The following LRRC37A variants were observed in gnomAD, a reference collection of about 807,000 sequenced individuals.
LRRC37A encodes the protein leucine rich repeat containing 37A.
LRRC37A carries 3 observed loss-of-function variants against 35.4 expected under a neutral mutation model. The observed-to-expected ratio is 0.08, with a 90% CI of 0.04 to 0.22. The LOEUF is 0.22. LRRC37A is among the 10% of genes least tolerant of loss of function. The pLI is 1.00. For synonymous variants in LRRC37A, 23 were observed against 215.0 expected, an observed-to-expected ratio of 0.11 and a Z score of 7.81; for missense variants, 67 against 565.3, an observed-to-expected ratio of 0.12 and a Z score of 8.94.
the LRRC37A span, among the ~76,000 whole-genome samples, chr17:46,276,048 A>G: frequency 0.14 from 21,717 of 151,752 alleles, 1,896 homozygotes; most frequent in Non-Finnish European, 0.22. Flanking sequence ...CTGCCACCAC[A>G]CCCGGCTAAT....
the LRRC37A span, among the ~76,000 whole-genome samples, chr17:46,282,906 G>A: frequency 3.3e-5 from 5 of 152,152 alleles, no homozygotes; most frequent in African/African-American, 4.8e-5. Context: ...ATCACCTGAG[G>A]TCAGGAGTTT....
the LRRC37A span, among the ~76,000 whole-genome samples, chr17:46,273,712 G>A: frequency 6.6e-6 from 1 of 152,228 alleles, no homozygotes; most frequent in Non-Finnish European, 1.5e-5. Flanking sequence ...AATACAATGT[G>A]TAAGAACATT....
chr17:46,270,229 T>A, the LRRC37A span, among the ~76,000 whole-genome samples: 1 of 152,212 alleles, frequency 6.6e-6, no homozygotes, highest in Non-Finnish European at 1.5e-5. Context: ...ACGCTGTCCA[T>A]GGCACCCAGT....
At chr17:46,275,785 G>A in the LRRC37A span, among the ~76,000 whole-genome samples, 1 of 152,008 alleles carries the variant, frequency 6.6e-6, no homozygotes, top group South Asian at 2.1e-4. Context: ...ACGGATGAGG[G>A]GAATATAAAG....
At chr17:46,282,505 C>A in the LRRC37A span, among the ~76,000 whole-genome samples, 1 of 151,686 alleles carries the variant, frequency 6.6e-6, no homozygotes, top group Non-Finnish European at 1.5e-5. Flanking sequence ...GCCTCAAACT[C>A]CTGTACTCAA....
At chr17:46,334,760 T>C (rs1268837972) in intron 10 of LRRC37A, 2 of 108,350 alleles carry the variant, frequency 1.8e-5, no homozygotes, top group Admixed American at 1.9e-4. Context: ...AAGTGCCAGC[T>C]GCATGCAAGA....
chr17:46,300,039 CT>C, intron 2 of LRRC37A, among the ~76,000 whole-genome samples, 174 bp downstream of exon 2: 1 of 41,906 alleles, frequency 2.4e-5, no homozygotes, highest in African/African-American at 5.3e-5. Flanking sequence ...GGTAGGCTCT[CT>C]TTAAAATAAG....
At chr17:46,250,886 TCTCTTC>T in the LRRC37A span, among the ~76,000 whole-genome samples, 9,847 of 130,762 alleles carry the variant, frequency 0.075, 3 homozygotes, top group Middle Eastern at 0.12. Flanking sequence ...TCCTCTTCCT[TCTCTTC>T]CTCTTCCTCT....
At chr17:46,280,289 G>C in the LRRC37A span, among the ~76,000 whole-genome samples, 16,681 of 149,090 alleles carry the variant, frequency 0.11, no homozygotes, top group Non-Finnish European at 0.17. Flanking sequence ...GCTTGAACGC[G>C]GGAAGCGGAG....
the LRRC37A span, among the ~76,000 whole-genome samples, chr17:46,258,707 C>CTTTT: frequency 2.0e-4 from 16 of 81,130 alleles, no homozygotes; most frequent in East Asian, 4.0e-4. Flanking sequence ...GACTATTATT[C>CTTTT]TTTTTTTTTT....
At chr17:46,256,374 G>C in the LRRC37A span, among the ~76,000 whole-genome samples, 363 of 152,168 alleles carry the variant, frequency 2.4e-3, no homozygotes, top group African/African-American at 8.5e-3. Flanking sequence ...CCTGGACAGA[G>C]AGAGCATCTG....
the LRRC37A span, among the ~76,000 whole-genome samples, chr17:46,257,780 C>T: frequency 4.0e-5 from 6 of 151,282 alleles, no homozygotes; most frequent in Non-Finnish European, 8.8e-5. Flanking sequence ...CATGATCATA[C>T]CACTGCACTC....
chr17:46,314,469 A>C (rs1169260349), intron 5 of LRRC37A, among the ~76,000 whole-genome samples: 1 of 81,998 alleles, frequency 1.2e-5, no homozygotes, highest in Admixed American at 1.3e-4. Context: ...CATTGCACTC[A>C]AGCCTGGGCA....
At chr17:46,260,920 G>A in the LRRC37A span, among the ~76,000 whole-genome samples, 1 of 152,176 alleles carries the variant, frequency 6.6e-6, no homozygotes, top group Non-Finnish European at 1.5e-5. Context: ...ACCGTGCCCC[G>A]TCTATGGAGA....
At chr17:46,263,880 A>C in the LRRC37A span, among the ~76,000 whole-genome samples, 3 of 147,604 alleles carry the variant, frequency 2.0e-5, no homozygotes, top group African/African-American at 7.4e-5. Context: ...AAAAAGAGAG[A>C]GAGACAGGGT....
At chr17:46,261,964 T>A in the LRRC37A span, among the ~76,000 whole-genome samples, 74 of 152,242 alleles carry the variant, frequency 4.9e-4, no homozygotes, top group Admixed American at 2.2e-3. Context: ...TATTATTATT[T>A]TTTGAGACAG....
the LRRC37A span, chr17:46,260,617 T>TCC: frequency 3.1e-6 from 4 of 1,282,130 alleles, no homozygotes; most frequent in Non-Finnish European, 3.1e-6. Flanking sequence ...GGCTCTCTAT[T>TCC]CTCTTTTTTT....
chr17:46,275,135 G>A, the LRRC37A span: 47 of 244,304 alleles, frequency 1.9e-4, 1 homozygote, highest in South Asian at 6.2e-4. Context: ...CAGATGATCC[G>A]CCCGCCTTGG....
the LRRC37A span, among the ~76,000 whole-genome samples, chr17:46,252,929 AC>A: frequency 4.4e-5 from 6 of 135,470 alleles, no homozygotes; most frequent in Admixed American, 1.5e-4. Flanking sequence ...CGGGGGGCTG[AC>A]CCCCCCACCT....
Sources: gnomAD v4.1 joint callset for allele counts (sites outside exome capture counted in the v4.1 genomes callset) on GRCh38, gnomAD v4.1.1 for gene constraint, MANE v1.5 for transcripts, NCBI Gene and HGNC (gene_info 2026-07-23, HGNC 2026-07-21) for gene names.